C2orf49: variants seen among roughly 807,000 people sequenced by gnomAD.
The protein encoded by C2orf49 is tRNA-splicing ligase complex subunit ASW.
C2orf49 carries 11 observed loss-of-function variants against 20.6 expected under a neutral mutation model. The ratio of observed to expected loss-of-function variants is 0.53; its 90% CI spans 0.34 to 0.88. The LOEUF (loss-of-function observed/expected upper bound fraction) is 0.88, where lower values mean the gene tolerates loss of function less well. C2orf49 is among the 40% of genes least tolerant of loss of function. C2orf49 has a pLI of 0.02. For synonymous variants in C2orf49, 134 were observed against 108.5 expected, an observed-to-expected ratio of 1.24 and a Z score of -1.46; for missense variants, 289 against 274.2, an observed-to-expected ratio of 1.05 and a Z score of -0.38.
the C2orf49 span, chr2:105,378,414 C>G: frequency 2.9e-6 from 1 of 344,498 alleles, no homozygotes; most frequent in South Asian, 2.3e-5. Context: ...CTCAGGACAA[C>G]CTGGTCTGCT....
the C2orf49 span, among the ~76,000 whole-genome samples, chr2:105,385,265 T>G: frequency 2.0e-5 from 3 of 152,188 alleles, no homozygotes; most frequent in Non-Finnish European, 4.4e-5. Context: ...ACTAAATCCC[T>G]GGGAACAGAA....
the C2orf49 span, among the ~76,000 whole-genome samples, chr2:105,372,370 C>T: frequency 8.6e-5 from 13 of 151,270 alleles, no homozygotes; most frequent in African/African-American, 1.9e-4. Context: ...GGACTACAGA[C>T]GCCCGCCACT....
At position 105,337,573 on chromosome 2, in the gene C2orf49, C is replaced by T. The variant is rs370572033; in HGVS notation, c.-15C>T. The T allele has an allele frequency of 1.2e-6, 2 of 1,613,362 alleles. No homozygotes were observed. Among genetic ancestry groups the T allele is most frequent in the Non-Finnish European group, 1.7e-6 (2 of 1,179,954 alleles). On this transcript the variant is annotated 5_prime_UTR_variant, in exon 1 of 4. Coordinates refer to ENST00000258457, the MANE Select transcript of C2orf49 (RefSeq NM_024093.3). ...GGCTTTGTGGGTAGCCGACTGGGGT[C>T]TCCTGGCGACGACCATGGCGGGGGA...
downstream of C2orf49, among the ~76,000 whole-genome samples, chr2:105,352,088 A>G (rs1031107378): frequency 1.3e-5 from 2 of 152,212 alleles, no homozygotes; most frequent in African/African-American, 4.8e-5. Context: ...TGCAGTACAC[A>G]TGTATAGAGG....
chr2:105,380,745 G>A, the C2orf49 span, among the ~76,000 whole-genome samples: 14 of 151,958 alleles, frequency 9.2e-5, no homozygotes, highest in African/African-American at 3.4e-4. Flanking sequence ...GAAATATCCG[G>A]TTTTAAATTC....
At chr2:105,337,736 G>A (rs1451346493) in intron 1 of C2orf49, 50 bp downstream of exon 1, 6 of 1,450,484 alleles carry the variant, frequency 4.1e-6, no homozygotes, top group Non-Finnish European at 4.6e-6. Context: ...CCCAGGTGAG[G>A]CGCTTGCACC....
rs1370099999 is a variant in C2orf49, at chr2:105,345,457, G to T, written c.*86G>T. On this transcript the variant is annotated 3_prime_UTR_variant, in exon 4 of 4. Transcript: ENST00000258457. ...TATTGACAATATTTACAGAAATCCT[G>T]ATTATTGTGGAATTTTCTTAAGAGG... 10 of 1,060,936 alleles carry T rather than the reference G, an allele frequency of 9.4e-6. No homozygotes were observed. Among genetic ancestry groups the T allele is most frequent in the Non-Finnish European group, 1.3e-5 (9 of 719,242 alleles). 65.7% of individuals were successfully genotyped at this position (1,060,936 alleles called of 1,614,324 possible). A position where few individuals can be genotyped will look rare whatever the true frequency, so the allele number is the denominator to read the frequency against.
the C2orf49 span, among the ~76,000 whole-genome samples, chr2:105,365,316 G>T: frequency 6.8e-6 from 1 of 147,368 alleles, no homozygotes; most frequent in African/African-American, 2.5e-5. Context: ...TCCAGCATCA[G>T]ATCCCCAGTG....
At chr2:105,351,325 C>G (rs1168348163), downstream of C2orf49, among the ~76,000 whole-genome samples, 1 of 99,752 alleles carries the variant, frequency 1.0e-5, no homozygotes, top group Non-Finnish European at 2.4e-5. Context: ...CCCCCCCCCC[C>G]CAAAAAAAAA....
chr2:105,385,728 G>T, the C2orf49 span, among the ~76,000 whole-genome samples: 1 of 152,174 alleles, frequency 6.6e-6, no homozygotes, highest in Non-Finnish European at 1.5e-5. Context: ...GCTGAGAAGC[G>T]CAGGTCAGGG....
the C2orf49 span, among the ~76,000 whole-genome samples, chr2:105,367,070 G>A: frequency 2.6e-5 from 4 of 152,174 alleles, no homozygotes; most frequent in African/African-American, 7.2e-5. Flanking sequence ...CTCCATGCCC[G>A]GCCAGAGTAG....
the C2orf49 span, chr2:105,378,225 C>T: frequency 2.1e-6 from 1 of 468,980 alleles, no homozygotes; most frequent in Admixed American, 2.4e-5. Context: ...GCAATAGCTA[C>T]AGTTTAAGAC....
the C2orf49 span, chr2:105,378,209 A>C: frequency 6.4e-6 from 3 of 470,784 alleles, no homozygotes; most frequent in African/African-American, 6.0e-5. Flanking sequence ...TTTATGGCAC[A>C]AAAATGCAAT....
the C2orf49 span, among the ~76,000 whole-genome samples, chr2:105,371,662 T>G: frequency 7.9e-5 from 12 of 152,158 alleles, no homozygotes; most frequent in Admixed American, 4.6e-4. Context: ...TCAAGACAGG[T>G]GAAAAATTCA....
Position 105,339,607 on chromosome 2 carries a change from G to A in C2orf49, c.124G>A (p.Val42Ile). Residue 42 changes from valine (V) to isoleucine (I), a missense_variant, in exon 2 of 4, where the codon GTA becomes ATA. Physicochemically the swap from Val to Ile is conservative, Grantham distance 29. Coordinates refer to ENST00000258457, the MANE Select transcript of C2orf49 (RefSeq NM_024093.3). ...EQKNIAVETD[V>I]RVNKDSLTDL... ...GAAGAACATAGCTGTTGAAACTGAT[G>A]TAAGAGTAAACAAAGACAGTCTTAC... 6.3e-7 allele frequency: 1 copy of A among 1,595,722 alleles called. No homozygotes were observed. Among genetic ancestry groups the A allele is most frequent in the Non-Finnish European group, 8.5e-7 (1 of 1,175,744 alleles).
Position 105,339,601 on chromosome 2 carries a change from A to G in C2orf49, c.118A>G (p.Thr40Ala). ...CCCGCAGAAGAACATAGCTGTTGAA[A>G]CTGATGTAAGAGTAAACAAAGACAG... is the stretch of plus-strand genomic sequence containing the variant. ...TLEQKNIAVE[T>A]DVRVNKDSLT... is the part of the protein sequence containing the mutation. The change falls in exon 2 of 4, where the codon ACT becomes GCT. Residue 40 changes from threonine (T) to alanine (A), a missense_variant. Physicochemically the swap from Thr to Ala is moderately conservative, Grantham distance 58. Coordinates refer to ENST00000258457, the MANE Select transcript of C2orf49 (RefSeq NM_024093.3). 1 of 1,589,360 alleles carries G rather than the reference A, an allele frequency of 6.3e-7. No individual in the cohort carries two copies. Among genetic ancestry groups the G allele is most frequent in the Non-Finnish European group, 8.5e-7 (1 of 1,174,120 alleles).
chr2:105,380,639 C>G, the C2orf49 span, among the ~76,000 whole-genome samples: 1 of 152,154 alleles, frequency 6.6e-6, no homozygotes, highest in Non-Finnish European at 1.5e-5. Context: ...TTGTGAACAG[C>G]AAACATGAGT....
In C2orf49 at chr2:105,342,840, G is replaced by A; in HGVS notation, c.267-8G>A. ...GTATTTTTCAAGAGTGCATCTCTTT[G>A]ATTTCAGGAGTAGCACTGTAGATGG... On this transcript the variant is annotated splice_region_variant and splice_polypyrimidine_tract_variant and intron_variant, in intron 2 of 3. Transcript: ENST00000258457. 1 of 1,596,956 alleles carries A rather than the reference G, an allele frequency of 6.3e-7. No homozygotes were observed. The highest frequency in any genetic ancestry group is 8.6e-7 in the Non-Finnish European group (1 of 1,168,694).
chr2:105,379,345 C>T, the C2orf49 span, among the ~76,000 whole-genome samples: 3 of 152,176 alleles, frequency 2.0e-5, no homozygotes, highest in Admixed American at 2.0e-4. Context: ...GTGTCACTTG[C>T]TGAACCTACA....
Sources: gnomAD v4.1 joint callset for allele counts (sites outside exome capture counted in the v4.1 genomes callset) on GRCh38, gnomAD v4.1.1 for gene constraint, MANE v1.5 for transcripts, NCBI Gene and HGNC (gene_info 2026-07-23, HGNC 2026-07-21) for gene names.